ZFHX3: variants seen among roughly 807,000 people sequenced by gnomAD.
ZFHX3 encodes the protein zinc finger homeobox protein 3.
ZFHX3 carries 42 observed loss-of-function variants against 279.1 expected under a neutral mutation model. The ratio of observed to expected loss-of-function variants is 0.15; its 90% CI spans 0.12 to 0.19. The LOEUF (loss-of-function observed/expected upper bound fraction) is 0.19, where lower values mean the gene tolerates loss of function less well. ZFHX3 is among the 10% of genes least tolerant of loss of function. The pLI, the probability that ZFHX3 is intolerant of heterozygous loss-of-function variation, is 1.00. For missense variants in ZFHX3, 4,981 were observed against 4,754.0 expected (o/e 1.05, Z -1.40); for synonymous variants, 2,293 against 1,957.8 (o/e 1.17, Z -4.52).
intron 2 of ZFHX3, among the ~76,000 whole-genome samples, chr16:73,478,359 T>G (rs1039630756): frequency 3.9e-5 from 6 of 151,920 alleles, no homozygotes; most frequent in Non-Finnish European, 8.8e-5. Context: ...AGATTAAAAG[T>G]CTGATGCTCT....
Position 73,854,588 on chromosome 16 carries a change from T to C in ZFHX3, c.-1608+37063A>G, listed in dbSNP as rs532925928. ...AATAAGATGGCTAAAAGAATGAATA[T>C]ATAGAATTAGACTATGAATTGACTT... On this transcript the variant is annotated intron_variant, in intron 1 of 17. Transcript: ENST00000641206. 7.4e-4 allele frequency among the ~76,000 whole-genome samples: 113 copies of C among 152,004 alleles called. 1 individual carries two copies. The highest frequency in any genetic ancestry group is 2.5e-3 in the African/African-American group (102 of 41,484).
intron 4 of ZFHX3, among the ~76,000 whole-genome samples, chr16:73,275,989 G>T (rs193007741): frequency 6.6e-6 from 1 of 151,938 alleles, no homozygotes; most frequent in Non-Finnish European, 1.5e-5. Context: ...AGTGATGGGG[G>T]GGGACAGGGA....
chr16:73,562,470 C>A (rs1231127609), intron 2 of ZFHX3, among the ~76,000 whole-genome samples: 3 of 151,936 alleles, frequency 2.0e-5, no homozygotes, highest in Non-Finnish European at 4.4e-5. Flanking sequence ...GTAGCGTGCG[C>A]CTGTAATCCC....
chr16:73,816,530 C>T (rs1415206897), intron 1 of ZFHX3, among the ~76,000 whole-genome samples: 4 of 152,166 alleles, frequency 2.6e-5, no homozygotes, highest in Non-Finnish European at 5.9e-5. Flanking sequence ...TATGACAAGA[C>T]TTTATGGCCC....
chr16:73,164,378 CT>C (rs1967309658), intron 5 of ZFHX3, among the ~76,000 whole-genome samples: 1 of 152,200 alleles, frequency 6.6e-6, no homozygotes, highest in African/African-American at 2.4e-5. Context: ...ACCAGCTCAT[CT>C]CCCAAAAACA....
intron 1 of ZFHX3, among the ~76,000 whole-genome samples, chr16:73,830,546 C>A (rs920074786): frequency 2.0e-5 from 3 of 152,176 alleles, no homozygotes; most frequent in Non-Finnish European, 4.4e-5. Flanking sequence ...TCTTCCCACA[C>A]AAACCCATTT....
chr16:73,341,631 T>C (rs895204360), intron 3 of ZFHX3, among the ~76,000 whole-genome samples: 2 of 152,126 alleles, frequency 1.3e-5, no homozygotes, highest in South Asian at 2.1e-4. Context: ...ATGCTTGGAA[T>C]TGCATTATTC....
At chr16:73,248,983 G>C (rs1273858650) in intron 5 of ZFHX3, among the ~76,000 whole-genome samples, 1 of 152,130 alleles carries the variant, frequency 6.6e-6, no homozygotes. Context: ...AATTAGATAC[G>C]TTTTCATTCA....
intron 4 of ZFHX3, among the ~76,000 whole-genome samples, chr16:73,309,906 C>CTTTTTTTT (rs57812149): frequency 1.4e-4 from 16 of 114,414 alleles, no homozygotes; most frequent in Middle Eastern, 6.4e-3. Context: ...TTTTTCTTGC[C>CTTTTTTTT]TTTTTTTTTT....
intron 2 of ZFHX3, among the ~76,000 whole-genome samples, chr16:73,535,915 G>A (rs1309124657): frequency 6.6e-6 from 1 of 151,778 alleles, no homozygotes. Flanking sequence ...GTAGAGACGG[G>A]GTTTCACCAT....
chr16:73,369,108 C>T (rs980944564), intron 3 of ZFHX3, among the ~76,000 whole-genome samples: 6 of 152,176 alleles, frequency 3.9e-5, no homozygotes, highest in East Asian at 3.8e-4. Context: ...GCTCAGTAAA[C>T]GAAAGCATTA....
At chr16:72,907,626 G>A (rs1458936724) in intron 3 of ZFHX3, among the ~76,000 whole-genome samples, 2 of 147,028 alleles carry the variant, frequency 1.4e-5, no homozygotes, top group South Asian at 2.2e-4. Context: ...GCACACAGGT[G>A]CAGGCTCAGG....
intron 1 of ZFHX3, among the ~76,000 whole-genome samples, chr16:73,865,631 T>C (rs562922271): frequency 1.3e-5 from 2 of 152,126 alleles, no homozygotes; most frequent in Non-Finnish European, 2.9e-5. Context: ...AGGTCCTGAT[T>C]TGGGGTAAAT....
rs1194362956 is a variant in ZFHX3, at chr16:73,811,265, C to A, written c.-1608+80386G>T. ...AGCTCTTACCTGAATTAGAGCCCTC[C>A]ATTTCAGACATCTGTATCTACCTTC... On this transcript the variant is annotated intron_variant, in intron 1 of 17. Transcript: ENST00000641206. 2.0e-5 allele frequency among the ~76,000 whole-genome samples: 3 copies of A among 152,082 alleles called. No homozygotes were observed. The East Asian group carries it at 5.8e-4, about 29-fold the overall frequency.
chr16:73,729,122 C>T (rs13333051), intron 1 of ZFHX3, among the ~76,000 whole-genome samples: 3 of 152,286 alleles, frequency 2.0e-5, no homozygotes, highest in African/African-American at 4.8e-5. Flanking sequence ...GTAGTCTGCC[C>T]AGTCTCTGAC....
intron 5 of ZFHX3, among the ~76,000 whole-genome samples, chr16:73,196,258 C>T (rs1418636417): frequency 2.0e-5 from 3 of 151,668 alleles, no homozygotes; most frequent in African/African-American, 7.3e-5. Context: ...AGCTCTACCC[C>T]GAATGGGATA....
chr16:73,470,019 C>A (rs959162912), intron 2 of ZFHX3, among the ~76,000 whole-genome samples: 2 of 152,094 alleles, frequency 1.3e-5, no homozygotes, highest in African/African-American at 4.8e-5. Context: ...AATCACTGCT[C>A]CAGAATGATA....
chr16:72,811,521 T>C (rs2036446512), intron 7 of ZFHX3, 56 bp downstream of exon 7: 14 of 1,458,856 alleles, frequency 9.6e-6, no homozygotes, highest in South Asian at 1.4e-5. Context: ...CCCATGTTAC[T>C]GCATCACCTT....
chr16:73,038,224 C>T (rs937762287), intron 1 of ZFHX3, among the ~76,000 whole-genome samples: 2 of 152,102 alleles, frequency 1.3e-5, no homozygotes, highest in Non-Finnish European at 2.9e-5. Flanking sequence ...ATATTGACTC[C>T]CCCACCCCCC....
Sources: gnomAD v4.1 joint callset for allele counts (sites outside exome capture counted in the v4.1 genomes callset) on GRCh38, gnomAD v4.1.1 for gene constraint, MANE v1.5 for transcripts, NCBI Gene and HGNC (gene_info 2026-07-23, HGNC 2026-07-21) for gene names.